PEAK1: variants seen among roughly 807,000 people sequenced by gnomAD.
PEAK1 encodes inactive tyrosine-protein kinase PEAK1.
A neutral mutation model predicts 124.7 loss-of-function variants in PEAK1; 54 were observed. That is an observed-to-expected ratio of 0.43 (90% CI 0.35 to 0.54). The LOEUF (loss-of-function observed/expected upper bound fraction) is 0.54, where lower values mean the gene tolerates loss of function less well. Ranked by LOEUF, PEAK1 falls within the 20% of genes least tolerant of loss-of-function variation. The pLI, the probability that PEAK1 is intolerant of heterozygous loss-of-function variation, is 0.01. For missense variants in PEAK1, 2,046 were observed against 2,134.5 expected, an observed-to-expected ratio of 0.96 and a Z score of 0.82; for synonymous variants, 719 against 760.0, an observed-to-expected ratio of 0.95 and a Z score of 0.89.
chr15:77,277,131 C>T (rs1277224534), intron 5 of PEAK1, among the ~76,000 whole-genome samples: 2 of 152,122 alleles, frequency 1.3e-5, no homozygotes, highest in African/African-American at 4.8e-5. Flanking sequence ...CCATGGAAAA[C>T]TAACTATATC....
chr15:77,258,821 T>C lies in PEAK1; in HGVS notation c.-274-6295A>G, dbSNP rs147870488. On this transcript the variant is annotated intron_variant, in intron 5 of 9. Transcript: ENST00000682557. ...CTTGTGCCAGTTTTCAAAGGGAATG[T>C]TTCCAGTTTTTGCCCATTCAGTATG... Among the ~76,000 whole-genome samples the C allele has an allele frequency of 7.5e-3, 1,141 of 152,004 alleles. 17 individuals carry two copies. Among genetic ancestry groups the C allele is most frequent in the African/African-American group, 0.025 (1,049 of 41,468 alleles).
intron 1 of PEAK1, among the ~76,000 whole-genome samples, chr15:77,383,523 C>A (rs2069663891): frequency 6.6e-6 from 1 of 152,154 alleles, no homozygotes; most frequent in Admixed American, 6.5e-5. Flanking sequence ...AATCTTCCCA[C>A]TAGGGATTCA....
At chr15:77,241,223 C>G (rs1596812736) in intron 6 of PEAK1, among the ~76,000 whole-genome samples, 1 of 151,892 alleles carries the variant, frequency 6.6e-6, no homozygotes, top group East Asian at 1.9e-4. Flanking sequence ...ATTAACAGCT[C>G]AAAAAATAAA....
Position 77,179,247 on chromosome 15 carries a change from T to C in PEAK1, c.2680A>G (p.Thr894Ala), listed in dbSNP as rs1485893084. 1 of 1,614,100 alleles carries C rather than the reference T, an allele frequency of 6.2e-7. No homozygotes were observed. Among genetic ancestry groups the C allele is most frequent in the Non-Finnish European group, 8.5e-7 (1 of 1,180,010 alleles). ...NLLQRHFTNW[T>A]KPTSPTRSTE... ...GACCTGGTAGGGCTGGTTGGCTTGG[T>C]CCAGTTGGTGAAATGCCTCTGCAAA... The change falls in exon 7 of 10, where the codon ACC becomes GCC. Residue 894 changes from threonine to alanine, a missense_variant. Physicochemically the swap from Thr to Ala is moderately conservative, Grantham distance 58. Coordinates refer to ENST00000682557, the MANE Select transcript of PEAK1 (RefSeq NM_001385026.1).
chr15:77,318,852 C>T (rs1361053169), intron 2 of PEAK1, among the ~76,000 whole-genome samples: 1 of 151,994 alleles, frequency 6.6e-6, no homozygotes, highest in Non-Finnish European at 1.5e-5. Context: ...CCCTATAAAC[C>T]TCCTAATTCT....
chr15:77,275,701 C>G (rs900768848), intron 5 of PEAK1, among the ~76,000 whole-genome samples: 1 of 150,750 alleles, frequency 6.6e-6, no homozygotes, highest in African/African-American at 2.4e-5. Context: ...CAGTGAGACT[C>G]TGTCTCAAAA....
At chr15:77,344,954 G>C (rs1295118559) in intron 2 of PEAK1, among the ~76,000 whole-genome samples, 1 of 152,014 alleles carries the variant, frequency 6.6e-6, no homozygotes, top group Non-Finnish European at 1.5e-5. Flanking sequence ...AAATCTTCAG[G>C]GTTTTCTACA....
chr15:77,179,783 C>G lies in PEAK1; in HGVS notation c.2144G>C (p.Arg715Thr). Residue 715 changes from arginine to threonine, a missense_variant, in exon 7 of 10, where the codon AGA becomes ACA. Physicochemically the swap from Arg to Thr is moderately conservative, Grantham distance 71. Transcript: ENST00000682557. ...GCTTCTCTGTGGTGAAGACTGACCT[C>G]TGTTGAGACAGTTGTTAAACTCTTG... ...KVQEFNNCLN[R>T]GQSSPQRSYS... 1 of 1,614,138 alleles carries G rather than the reference C, an allele frequency of 6.2e-7. No individual in the cohort carries two copies.
chr15:77,327,511 A>C (rs1170754815), intron 2 of PEAK1, among the ~76,000 whole-genome samples: 4 of 152,134 alleles, frequency 2.6e-5, no homozygotes, highest in Non-Finnish European at 4.4e-5. Context: ...CTACGAAACA[A>C]GTTCTCTTTT....
At chr15:77,221,399 T>C (rs1258475320) in intron 6 of PEAK1, among the ~76,000 whole-genome samples, 3 of 152,104 alleles carry the variant, frequency 2.0e-5, no homozygotes, top group African/African-American at 7.2e-5. Context: ...ATATTAAATG[T>C]CTTCATCATT....
intron 6 of PEAK1, among the ~76,000 whole-genome samples, chr15:77,226,052 TATATA>T (rs1245844199): frequency 1.7e-5 from 1 of 59,760 alleles, no homozygotes; most frequent in African/African-American, 6.0e-5. Context: ...GGGATATATA[TATATA>T]TATATATATA....
At chr15:77,193,737 G>A (rs111700308) in intron 6 of PEAK1, among the ~76,000 whole-genome samples, 2,541 of 152,270 alleles carry the variant, frequency 0.017, 34 homozygotes, top group Middle Eastern at 0.027. Context: ...CTGGAAGGCA[G>A]AGGTTGCACT....
chr15:77,285,533 C>T (rs1023981033), intron 3 of PEAK1, among the ~76,000 whole-genome samples: 3 of 152,138 alleles, frequency 2.0e-5, no homozygotes, highest in Non-Finnish European at 4.4e-5. Flanking sequence ...AAGGCAAATA[C>T]GGTTTGGAGT....
chr15:77,152,694 A>G (rs927636518), intron 8 of PEAK1, among the ~76,000 whole-genome samples: 3 of 152,192 alleles, frequency 2.0e-5, no homozygotes, highest in Non-Finnish European at 4.4e-5. Flanking sequence ...AGTTTTTAGC[A>G]TGAAGGGTTG....
At chr15:77,391,354 G>C (rs1430367380) in intron 1 of PEAK1, among the ~76,000 whole-genome samples, 1 of 151,830 alleles carries the variant, frequency 6.6e-6, no homozygotes, top group African/African-American at 2.4e-5. Flanking sequence ...ACTATTCTAA[G>C]TGCTAGAATA....
At chr15:77,258,962 T>C (rs1364653922) in intron 5 of PEAK1, among the ~76,000 whole-genome samples, 1 of 152,218 alleles carries the variant, frequency 6.6e-6, no homozygotes, top group Admixed American at 6.5e-5. Context: ...TCAAAGGCCT[T>C]TTCTCCATCT....
intron 8 of PEAK1, among the ~76,000 whole-genome samples, chr15:77,139,327 T>G (rs1456522471): frequency 6.6e-6 from 1 of 152,150 alleles, no homozygotes; most frequent in African/African-American, 2.4e-5. Context: ...TTTTAAAAAA[T>G]AAGTAGGAGT....
chr15:77,263,134 G>A (rs1430376988), intron 5 of PEAK1, among the ~76,000 whole-genome samples: 1 of 152,120 alleles, frequency 6.6e-6, no homozygotes. Flanking sequence ...AGCACTAAAT[G>A]CCCACAAGAG....
At chr15:77,328,472 C>T (rs544020728) in intron 2 of PEAK1, among the ~76,000 whole-genome samples, 3 of 152,056 alleles carry the variant, frequency 2.0e-5, no homozygotes, top group Middle Eastern at 3.4e-3. Context: ...AATAAAATTA[C>T]CAAAGGTTCT....
Sources: allele counts gnomAD v4.1 joint callset (sites outside exome capture counted in the v4.1 genomes callset), GRCh38; gene constraint gnomAD v4.1.1; transcripts MANE v1.5; gene names NCBI Gene and HGNC (gene_info 2026-07-23, HGNC 2026-07-21).